The following GIGYF2 variants were observed in gnomAD, a reference collection of about 807,000 sequenced individuals.
GIGYF2 encodes the protein GRB10-interacting GYF protein 2.
In GIGYF2, 25 loss-of-function variants were observed where a neutral mutation model predicts 208.1. The observed-to-expected ratio is 0.12, with a 90% confidence interval of 0.09 to 0.17. GIGYF2 has a LOEUF of 0.17. Among genes scored for constraint, GIGYF2 ranks in the 10% least tolerant of loss-of-function variants. The pLI is 1.00. For synonymous variants in GIGYF2, 534 were observed against 543.8 expected (o/e 0.98, Z 0.25); for missense variants, 1,302 against 1,579.4 (o/e 0.82, Z 2.98).
intron 2 of GIGYF2, among the ~76,000 whole-genome samples, chr2:232,712,855 A>G (rs1298528100): frequency 6.6e-6 from 1 of 152,202 alleles, no homozygotes; most frequent in Admixed American, 6.5e-5. Flanking sequence ...TGGAATAAAC[A>G]TATCACTGAA....
Position 232,791,150 on chromosome 2 carries a change from A to G in GIGYF2, c.1073A>G (p.Lys358Arg). Residue 358 changes from lysine to arginine, a missense_variant, in exon 11 of 29, where the codon AAA (lysine) becomes AGA (arginine). This residue lies in a region of GIGYF2 where 235 missense variants were observed against 218.8 expected (regional missense o/e 1.07). Transcript: ENST00000373563. ...AAGACAAATAAGAAAGAAGGAGAGA[A>G]AACAGATAGAGTAGGAGTTGGTAAG... Reference protein sequence around the residue: ...PDKTNKKEGEKTDRVGVEASE... With the variant: ...PDKTNKKEGERTDRVGVEASE... 1 of 1,614,034 alleles carries G rather than the reference A, an allele frequency of 6.2e-7. No homozygotes were observed. Among genetic ancestry groups the G allele is most frequent in the Non-Finnish European group, 8.5e-7 (1 of 1,179,968 alleles).
At chr2:232,850,649 T>G (rs1020162132) in intron 28 of GIGYF2, among the ~76,000 whole-genome samples, 2 of 152,202 alleles carry the variant, frequency 1.3e-5, no homozygotes, top group Non-Finnish European at 2.9e-5. Context: ...GTTTGGTGCT[T>G]TAAAGTATTG....
chr2:232,759,949 G>C (rs572807358), intron 6 of GIGYF2, among the ~76,000 whole-genome samples: 1 of 151,978 alleles, frequency 6.6e-6, no homozygotes, highest in Non-Finnish European at 1.5e-5. Context: ...CTGTACCTTT[G>C]GTTACTCTGT....
chr2:232,780,592 G>GC (rs1250311925), intron 8 of GIGYF2, among the ~76,000 whole-genome samples: 2 of 152,194 alleles, frequency 1.3e-5, no homozygotes, highest in Non-Finnish European at 2.9e-5. Flanking sequence ...CATGTCCAGT[G>GC]CAAGGATTCA....
rs113882788 is a variant in GIGYF2, at chr2:232,806,756, G to T, written c.1806+99G>T. 29 of 862,506 alleles carry T rather than the reference G, an allele frequency of 3.4e-5. No homozygotes were observed. Among genetic ancestry groups the T allele is most frequent in the Admixed American group, 2.0e-4 (12 of 58,760 alleles). 53.4% of individuals were successfully genotyped at this position (862,506 alleles called of 1,614,324 possible). ...AAATATATCATCTAATGAAGGAATTGTAGTTCTTTGAAATTAATGGAAATG... is the reference window on the plus strand; with the variant it reads ...AAATATATCATCTAATGAAGGAATTTTAGTTCTTTGAAATTAATGGAAATG... On this transcript the variant is annotated intron_variant, in intron 15 of 28. Transcript: ENST00000373563. This position sits in a 1 kb window ranked among gnomAD's most constrained non-coding sequence, Gnocchi z 4.0.
At chr2:232,770,779 T>C (rs1486156661) in intron 8 of GIGYF2, 1 of 703,044 alleles carries the variant, frequency 1.4e-6, no homozygotes, top group African/African-American at 1.8e-5. Flanking sequence ...TTACCTGCTA[T>C]CAATATAGAT....
At chr2:232,735,260 T>A (rs752991963) in intron 3 of GIGYF2, 22 bp downstream of exon 3, 21 of 1,531,424 alleles carry the variant, frequency 1.4e-5, no homozygotes, top group Non-Finnish European at 1.9e-5. Context: ...AAATCTCATC[T>A]TCTTTGATAT....
intron 28 of GIGYF2, among the ~76,000 whole-genome samples, chr2:232,850,672 T>C (rs1690277099): frequency 6.6e-6 from 1 of 152,224 alleles, no homozygotes; most frequent in African/African-American, 2.4e-5. Flanking sequence ...TGATATTTAA[T>C]ATGAATTTCC....
At chr2:232,811,810 T>C (rs1317024384) in intron 17 of GIGYF2, among the ~76,000 whole-genome samples, 2 of 152,146 alleles carry the variant, frequency 1.3e-5, no homozygotes, top group Non-Finnish European at 2.9e-5. Flanking sequence ...TCGTTCAGAG[T>C]AATATTTCTC....
chr2:232,779,968 A>G (rs1034210544), intron 8 of GIGYF2, among the ~76,000 whole-genome samples: 1 of 152,108 alleles, frequency 6.6e-6, no homozygotes, highest in Admixed American at 6.6e-5. Flanking sequence ...ATCAGATAAT[A>G]TATATCTGAA....
At chr2:232,835,482 C>T (rs1701555018) in intron 22 of GIGYF2, among the ~76,000 whole-genome samples, 1 of 151,952 alleles carries the variant, frequency 6.6e-6, no homozygotes, top group Non-Finnish European at 1.5e-5. Flanking sequence ...TTTTTGTTGC[C>T]TGCTTTTTTC....
chr2:232,727,259 C>T (rs1697243272), intron 2 of GIGYF2, among the ~76,000 whole-genome samples: 1 of 152,174 alleles, frequency 6.6e-6, no homozygotes, highest in African/African-American at 2.4e-5. Context: ...AGCCACTGTG[C>T]CCGGCCCATC....
chr2:232,841,713 A>G (rs1701823431), intron 23 of GIGYF2, among the ~76,000 whole-genome samples: 1 of 152,102 alleles, frequency 6.6e-6, no homozygotes, highest in Admixed American at 6.6e-5. Flanking sequence ...TTTCTTACGT[A>G]GAAAAACCCA....
At chr2:232,789,301 G>T (rs953275263) in intron 9 of GIGYF2, among the ~76,000 whole-genome samples, 2 of 152,114 alleles carry the variant, frequency 1.3e-5, no homozygotes, top group African/African-American at 4.8e-5. Context: ...TCCAGTCTGG[G>T]AGCTGAACCT....
chr2:232,811,060 C>G, intron 16 of GIGYF2, 184 bp from the exon 17 acceptor site: 1 of 562,406 alleles, frequency 1.8e-6, no homozygotes. Flanking sequence ...TCAGTTCTTT[C>G]TAGAATGAAG....
At chr2:232,814,326 G>A (rs1382438127) in intron 18 of GIGYF2, among the ~76,000 whole-genome samples, 1 of 151,944 alleles carries the variant, frequency 6.6e-6, no homozygotes, top group Non-Finnish European at 1.5e-5. Context: ...ACTTTGGGAG[G>A]CCGAGGTGGG....
At position 232,845,906 on chromosome 2, in the gene GIGYF2, A is replaced by G; in HGVS notation, c.3460+20A>G. ...TGGATGGTAAGAATTGGGGAGGGAA[A>G]CCCGGCATGTGGAATGACAGAGCAG... is the stretch of plus-strand genomic sequence containing the variant. On this transcript the variant is annotated intron_variant, in intron 26 of 28. Transcript: ENST00000373563. The G allele has an allele frequency of 6.6e-7, 1 of 1,511,168 alleles. No homozygotes were observed. The highest frequency in any genetic ancestry group is 9.2e-7 in the Non-Finnish European group (1 of 1,087,352). The allele number at this position is 1,511,168 out of a possible 1,614,324, so 93.6% of individuals were successfully genotyped here. A position where few individuals can be genotyped will look rare whatever the true frequency, so the allele number is the denominator to read the frequency against.
intron 28 of GIGYF2, among the ~76,000 whole-genome samples, chr2:232,850,691 T>G (rs1274186662): frequency 6.6e-6 from 1 of 152,188 alleles, no homozygotes; most frequent in Non-Finnish European, 1.5e-5. Flanking sequence ...CCCTGGAGGA[T>G]CCTGAGTAAT....
intron 8 of GIGYF2, chr2:232,764,288 T>G (rs1698861697): frequency 6.6e-6 from 1 of 152,250 alleles, no homozygotes; most frequent in Non-Finnish European, 1.5e-5. Context: ...CTGGGCTTCA[T>G]GTTCATCAGC....
Sources: allele counts gnomAD v4.1 joint callset (sites outside exome capture counted in the v4.1 genomes callset), GRCh38; gene constraint gnomAD v4.1.1; regional missense constraint gnomAD v4.1.1; non-coding constraint Gnocchi (gnomAD v3.1); transcripts MANE v1.5; gene names NCBI Gene and HGNC (gene_info 2026-07-23, HGNC 2026-07-21).